The following PCDHA11 variants were observed in gnomAD, a reference collection of about 807,000 sequenced individuals.
PCDHA11 encodes the protein protocadherin alpha-11.
PCDHA11 carries 61 observed loss-of-function variants against 70.3 expected under a neutral mutation model. That is an observed-to-expected ratio of 0.87 (90% CI 0.71 to 1.07). The LOEUF (loss-of-function observed/expected upper bound fraction) is 1.07, where lower values mean the gene tolerates loss of function less well. Among genes scored for constraint, PCDHA11 ranks in the 50% least tolerant of loss-of-function variants. The probability of loss-of-function intolerance (pLI) is 0.00; values close to 1 mark genes in which losing one functional copy is unlikely to be tolerated. For missense variants in PCDHA11, 1,324 were observed against 1,237.5 expected (o/e 1.07, Z -1.05); for synonymous variants, 633 against 555.1 (o/e 1.14, Z -1.97).
intron 1 of PCDHA11, among the ~76,000 whole-genome samples, chr5:140,941,409 C>T (rs1284702446): frequency 2.7e-5 from 4 of 149,924 alleles, no homozygotes; most frequent in Admixed American, 1.3e-4. Flanking sequence ...CTCCGCCTCC[C>T]GGGTTCAAGC....
chr5:140,928,904 G>T, intron 1 of PCDHA11: 1 of 1,614,180 alleles, frequency 6.2e-7, no homozygotes, highest in Non-Finnish European at 8.5e-7. Flanking sequence ...GAAGATGTCT[G>T]GGAACCAGGA....
chr5:140,933,300 A>G (rs541308392), intron 1 of PCDHA11, among the ~76,000 whole-genome samples: 41 of 152,132 alleles, frequency 2.7e-4, no homozygotes, highest in African/African-American at 9.4e-4. Context: ...ATCTGGAAAT[A>G]AATATGCAAT....
At chr5:140,976,423 T>C (rs1378184646) in intron 1 of PCDHA11, among the ~76,000 whole-genome samples, 22 of 151,886 alleles carry the variant, frequency 1.4e-4, no homozygotes, top group Admixed American at 1.3e-3. Context: ...CGGTGGCAGA[T>C]GCCTGTAATC....
intron 1 of PCDHA11, among the ~76,000 whole-genome samples, chr5:140,907,596 G>A (rs1554193068): frequency 2.0e-5 from 3 of 152,214 alleles, no homozygotes; most frequent in African/African-American, 7.2e-5. Flanking sequence ...ATCACCCTGA[G>A]GAATGGTGCC....
chr5:140,942,641 G>T (rs1198552335), intron 1 of PCDHA11, among the ~76,000 whole-genome samples: 1 of 151,754 alleles, frequency 6.6e-6, no homozygotes, highest in African/African-American at 2.4e-5. Flanking sequence ...TGGCAAAAGA[G>T]ATCTCATTCA....
In PCDHA11 at chr5:140,871,116, C is replaced by G. The variant is rs200344692; in HGVS notation, c.2013C>G (p.Ser671Arg). 1 of 1,613,264 alleles carries G rather than the reference C, an allele frequency of 6.2e-7. No homozygotes were observed. The highest frequency in any genetic ancestry group is 2.2e-5 in the East Asian group (1 of 44,868). ...TATVLVSLVE[S>R]GQAPKASSRT... is the part of the protein sequence containing the mutation. ...CCGTGCTGGTGTCGTTGGTGGAGAG[C>G]GGACAGGCGCCAAAGGCCTCTTCCC... The change falls in exon 1 of 4, where the codon AGC (serine) becomes AGG (arginine). Residue 671 changes from serine to arginine, a missense_variant. Coordinates refer to ENST00000398640, the MANE Select transcript of PCDHA11 (RefSeq NM_018902.5).
chr5:140,877,331 T>A (rs2057038565), intron 1 of PCDHA11: 15 of 1,613,962 alleles, frequency 9.3e-6, no homozygotes, highest in Non-Finnish European at 1.3e-5. Context: ...GGCGCGCACA[T>A]CCCGTTCCAC....
intron 1 of PCDHA11, among the ~76,000 whole-genome samples, chr5:140,937,163 G>A (rs1169573071): frequency 2.0e-5 from 3 of 150,028 alleles, no homozygotes; most frequent in East Asian, 4.0e-4. Flanking sequence ...TCAGCCTCCC[G>A]AGTAGCTGGG....
At chr5:140,884,044 G>A (rs374333847) in intron 1 of PCDHA11, 16 of 1,613,358 alleles carry the variant, frequency 9.9e-6, no homozygotes, top group Non-Finnish European at 1.4e-5. Context: ...ACGTGGTGGC[G>A]AAGGTGCGCG....
At chr5:140,903,545 CTT>C (rs1410531246) in intron 1 of PCDHA11, among the ~76,000 whole-genome samples, 2 of 152,130 alleles carry the variant, frequency 1.3e-5, no homozygotes, top group East Asian at 3.8e-4. Flanking sequence ...GAGCAAGAAA[CTT>C]TTCTAATAAG....
chr5:140,962,369 AT>A (rs1181838799), intron 1 of PCDHA11, among the ~76,000 whole-genome samples: 1 of 152,154 alleles, frequency 6.6e-6, no homozygotes, highest in Admixed American at 6.5e-5. Flanking sequence ...GGCTAGTTTG[AT>A]TTTATCTGTT....
intron 1 of PCDHA11, chr5:140,927,498 G>A (rs782816586): frequency 3.1e-6 from 5 of 1,614,138 alleles, no homozygotes; most frequent in Middle Eastern, 1.6e-4. Context: ...ACCTGCTGGT[G>A]CTTACAGCTC....
chr5:140,953,778 A>AT, intron 1 of PCDHA11, among the ~76,000 whole-genome samples: 1 of 152,106 alleles, frequency 6.6e-6, no homozygotes, highest in South Asian at 2.1e-4. Context: ...ATATTTATTT[A>AT]TTTTTTTCTT....
At chr5:140,962,350 C>A (rs78940637) in intron 1 of PCDHA11, among the ~76,000 whole-genome samples, 3,557 of 152,264 alleles carry the variant, frequency 0.023, 46 homozygotes, top group Middle Eastern at 0.034. Context: ...TAAAACTCCC[C>A]CCAATACTGG....
intron 1 of PCDHA11, among the ~76,000 whole-genome samples, chr5:140,885,158 T>C (rs1250241606): frequency 6.6e-6 from 1 of 152,198 alleles, no homozygotes; most frequent in African/African-American, 2.4e-5. Flanking sequence ...TGATTGTCTC[T>C]ACTTTTTTGT....
At position 140,946,631 on chromosome 5, in the gene PCDHA11, T is replaced by C. The variant is rs75895301; in HGVS notation, c.2392-32318T>C. Among the ~76,000 whole-genome samples, 565 of 131,680 alleles carry C rather than the reference T, an allele frequency of 4.3e-3. 19 individuals are homozygous for C. Among genetic ancestry groups the C allele is most frequent in the Middle Eastern group, 0.019 (5 of 266 alleles). 86.4% of individuals were successfully genotyped at this position (131,680 alleles called of 152,430 possible). A position where few individuals can be genotyped will look rare whatever the true frequency, so the allele number is the denominator to read the frequency against. On this transcript the variant is annotated intron_variant, in intron 1 of 3. Coordinates refer to ENST00000398640, the MANE Select transcript of PCDHA11 (RefSeq NM_018902.5). ...TGTGAAATATATATATATATATATA[T>C]ACAATGGAATACTCATCAGCCATTA... is the stretch of plus-strand genomic sequence containing the variant.
At chr5:140,905,144 A>G (rs2071622994) in intron 1 of PCDHA11, among the ~76,000 whole-genome samples, 2 of 152,130 alleles carry the variant, frequency 1.3e-5, no homozygotes, top group African/African-American at 2.4e-5. Context: ...TTCTGCTGTT[A>G]TATTTTAGAA....
At chr5:140,892,588 T>C (rs751167275) in intron 1 of PCDHA11, among the ~76,000 whole-genome samples, 12 of 152,204 alleles carry the variant, frequency 7.9e-5, no homozygotes, top group Non-Finnish European at 1.8e-4. Flanking sequence ...TCAGTATTCA[T>C]TCACCTATTT....
At chr5:140,875,647 C>T (rs1554167823) in intron 1 of PCDHA11, 1 of 1,613,694 alleles carries the variant, frequency 6.2e-7, no homozygotes, top group Non-Finnish European at 8.5e-7. Context: ...GCTGGCGGAG[C>T]TGGTGCCGCG....
Sources: allele counts gnomAD v4.1 joint callset (sites outside exome capture counted in the v4.1 genomes callset), GRCh38; gene constraint gnomAD v4.1.1; transcripts MANE v1.5; gene names NCBI Gene and HGNC (gene_info 2026-07-23, HGNC 2026-07-21).